Variants in ELOVL6 observed in about 807,000 individuals in gnomAD.
ELOVL6 encodes the protein ELOVL fatty acid elongase 6.
A neutral mutation model predicts 31.7 loss-of-function variants in ELOVL6; 8 were observed. The ratio of observed to expected loss-of-function variants is 0.25; its 90% CI spans 0.15 to 0.45. ELOVL6 has a LOEUF of 0.45. Ranked by LOEUF, ELOVL6 falls within the 20% of genes least tolerant of loss-of-function variation. The probability of loss-of-function intolerance (pLI) is 1.00; values close to 1 mark genes in which losing one functional copy is unlikely to be tolerated. For synonymous variants in ELOVL6, 101 were observed against 117.7 expected (o/e 0.86, Z 0.92); for missense variants, 126 against 326.4 (o/e 0.39, Z 4.73).
intron 2 of ELOVL6, among the ~76,000 whole-genome samples, chr4:110,088,767 G>A (rs1306546754): frequency 6.6e-6 from 1 of 152,216 alleles, no homozygotes; most frequent in African/African-American, 2.4e-5. Context: ...TCACCAACAG[G>A]GCTACTAAGT....
chr4:110,190,901 C>A (rs1227246462), intron 1 of ELOVL6, among the ~76,000 whole-genome samples: 1 of 151,910 alleles, frequency 6.6e-6, no homozygotes, highest in Non-Finnish European at 1.5e-5. Flanking sequence ...CTCACTGCAA[C>A]CTCCGCCTCC....
At chr4:110,182,493 T>C (rs534200787) in intron 1 of ELOVL6, among the ~76,000 whole-genome samples, 1 of 152,350 alleles carries the variant, frequency 6.6e-6, no homozygotes, top group East Asian at 1.9e-4. Flanking sequence ...CTTTGTAGAA[T>C]GAAACTTATC....
At chr4:110,096,683 T>C (rs982092723) in intron 2 of ELOVL6, among the ~76,000 whole-genome samples, 2 of 152,112 alleles carry the variant, frequency 1.3e-5, no homozygotes, top group Non-Finnish European at 2.9e-5. Context: ...AAATTCCTGG[T>C]GAGCAGGAAG....
At chr4:110,153,308 T>C (rs1267794825) in intron 1 of ELOVL6, among the ~76,000 whole-genome samples, 4 of 148,904 alleles carry the variant, frequency 2.7e-5, no homozygotes, top group South Asian at 4.1e-4. Context: ...TGAGACCTTA[T>C]ACATAATTTA....
At chr4:110,086,936 C>T (rs756152221) in intron 2 of ELOVL6, among the ~76,000 whole-genome samples, 11 of 151,832 alleles carry the variant, frequency 7.2e-5, no homozygotes, top group African/African-American at 2.2e-4. Context: ...TGAATGTGAC[C>T]GTCCTATAAT....
intron 2 of ELOVL6, among the ~76,000 whole-genome samples, chr4:110,086,165 T>C (rs1463059918): frequency 6.6e-6 from 1 of 152,198 alleles, no homozygotes; most frequent in Non-Finnish European, 1.5e-5. Flanking sequence ...TTTCTGGATT[T>C]AGTCCTCTTT....
chr4:110,054,941 G>A (rs1430280351), intron 3 of ELOVL6, among the ~76,000 whole-genome samples: 1 of 152,122 alleles, frequency 6.6e-6, no homozygotes, highest in African/African-American at 2.4e-5. Context: ...ACATATGCAC[G>A]ATGGTGGGTG....
chr4:110,084,582 ATATATATTTTT>A (rs1756179939), intron 2 of ELOVL6, among the ~76,000 whole-genome samples: 2 of 54,508 alleles, frequency 3.7e-5, no homozygotes, highest in African/African-American at 2.6e-4. Flanking sequence ...ATATATATAT[ATATATATTTTT>A]TTTTTTTTTT....
chr4:110,158,657 A>ATATTT, intron 1 of ELOVL6, among the ~76,000 whole-genome samples: 8 of 74,160 alleles, frequency 1.1e-4, no homozygotes, highest in African/African-American at 6.6e-4. Context: ...ATATATATAT[A>ATATTT]TTTTTTTTTT....
intron 1 of ELOVL6, among the ~76,000 whole-genome samples, chr4:110,173,789 A>T (rs1759022162): frequency 6.6e-6 from 1 of 151,762 alleles, no homozygotes; most frequent in Non-Finnish European, 1.5e-5. Context: ...GAGCTAAATG[A>T]TAAGAACTTA....
intron 2 of ELOVL6, among the ~76,000 whole-genome samples, chr4:110,079,918 G>C (rs938708247): frequency 2.0e-5 from 3 of 152,054 alleles, no homozygotes; most frequent in Non-Finnish European, 4.4e-5. Context: ...TATCACCACC[G>C]ATCCCACAGA....
At chr4:110,132,850 G>A (rs1342926250) in intron 1 of ELOVL6, among the ~76,000 whole-genome samples, 1 of 151,356 alleles carries the variant, frequency 6.6e-6, no homozygotes, top group Admixed American at 6.6e-5. Context: ...AAAAAAAAAA[G>A]AAGTGGCATT....
Position 110,127,701 on chromosome 4 carries a change from G to GAATT in ELOVL6, c.90-22077_90-22074dup, listed in dbSNP as rs567081816. On this transcript the variant is annotated intron_variant, in intron 1 of 3. Transcript: ENST00000302274. ...TTGGTTTATGGTACAAAATTTTGCT[G>GAATT]AATTATCTATCATGACCAAGAAGAA... Among the ~76,000 whole-genome samples the GAATT allele has an allele frequency of 6.9e-3, 1,056 of 152,224 alleles. 4 individuals are homozygous for GAATT. Among genetic ancestry groups the GAATT allele is most frequent in the Non-Finnish European group, 0.011 (754 of 68,020 alleles).
At position 110,139,331 on chromosome 4, in the gene ELOVL6, G is replaced by T. The variant is rs549054090; in HGVS notation, c.90-33703C>A. Reference sequence around the variant, plus strand: ...ACATTTCCATCCCCTTGGGGCTCCAGTCTGTCAATATTTTACTTTTCAGCG... The same window carrying T: ...ACATTTCCATCCCCTTGGGGCTCCATTCTGTCAATATTTTACTTTTCAGCG... On this transcript the variant is annotated intron_variant, in intron 1 of 3. Coordinates refer to ENST00000302274, the MANE Select transcript of ELOVL6 (RefSeq NM_024090.3). 1.2e-4 allele frequency among the ~76,000 whole-genome samples: 18 copies of T among 152,254 alleles called. No individual in the cohort carries two copies. The South Asian group carries it at 3.7e-3, about 32-fold the overall frequency.
chr4:110,115,396 G>T lies in ELOVL6; in HGVS notation c.90-9768C>A, dbSNP rs535392422. Among the ~76,000 whole-genome samples, 16 of 152,150 alleles carry T rather than the reference G, an allele frequency of 1.1e-4. 1 individual carries two copies. In the South Asian group the frequency reaches 3.3e-3, roughly 32 times the overall value. ...ACTTAAACATTGTTTTTACTTATGA[G>T]ATTATCACCCGATTACCCAAGAAAG... On this transcript the variant is annotated intron_variant, in intron 1 of 3. Coordinates refer to ENST00000302274, the MANE Select transcript of ELOVL6 (RefSeq NM_024090.3).
At position 110,127,406 on chromosome 4, in the gene ELOVL6, C is replaced by CAAAAAA. The variant is rs572027886; in HGVS notation, c.90-21784_90-21779dup. Reference sequence around the variant, plus strand: ...TGGGTGACAGAGCGAGATTCCGTCTCAAAAAAAAAAAAAAAAAAAGAAAAG... The same window carrying CAAAAAA: ...TGGGTGACAGAGCGAGATTCCGTCTCAAAAAAAAAAAAAAAAAAAAAAAAAGAAAAG... On this transcript the variant is annotated intron_variant, in intron 1 of 3. Coordinates refer to ENST00000302274, the MANE Select transcript of ELOVL6 (RefSeq NM_024090.3). 4.2e-3 allele frequency among the ~76,000 whole-genome samples: 360 copies of CAAAAAA among 85,368 alleles called. 18 individuals are homozygous for CAAAAAA. The highest frequency in any genetic ancestry group is 0.011 in the African/African-American group (241 of 21,644). 56.0% of individuals were successfully genotyped at this position (85,368 alleles called of 152,430 possible).
At chr4:110,131,990 C>T (rs904056194) in intron 1 of ELOVL6, among the ~76,000 whole-genome samples, 1 of 152,264 alleles carries the variant, frequency 6.6e-6, no homozygotes, top group Admixed American at 6.5e-5. Flanking sequence ...GGTGCTTCTG[C>T]AGGAGGAAAG....
At chr4:110,183,950 C>G (rs1277144667) in intron 1 of ELOVL6, among the ~76,000 whole-genome samples, 1 of 152,012 alleles carries the variant, frequency 6.6e-6, no homozygotes, top group Non-Finnish European at 1.5e-5. Flanking sequence ...CCACTGTACT[C>G]CAGCCTAGGC....
chr4:110,111,724 G>A (rs1757040953), intron 1 of ELOVL6, among the ~76,000 whole-genome samples: 1 of 152,132 alleles, frequency 6.6e-6, no homozygotes, highest in African/African-American at 2.4e-5. Flanking sequence ...GAAGGTTTTG[G>A]ATGGATGGGC....
Sources: gnomAD v4.1 joint callset for allele counts (sites outside exome capture counted in the v4.1 genomes callset) on GRCh38, gnomAD v4.1.1 for gene constraint, MANE v1.5 for transcripts, NCBI Gene and HGNC (gene_info 2026-07-23, HGNC 2026-07-21) for gene names.